The following RERE variants were observed in gnomAD, a reference collection of about 807,000 sequenced individuals.
RERE encodes the protein arginine-glutamic acid dipeptide repeats, also known as arginine-glutamic acid dipeptide repeats protein.
A neutral mutation model predicts 146.1 loss-of-function variants in RERE; 40 were observed. The observed-to-expected ratio is 0.27, with a 90% CI of 0.21 to 0.36. The LOEUF (loss-of-function observed/expected upper bound fraction) is 0.36, where lower values mean the gene tolerates loss of function less well. Among genes scored for constraint, RERE ranks in the 10% least tolerant of loss-of-function variants. RERE has a pLI of 1.00. For synonymous variants in RERE, 1,003 were observed against 866.0 expected, an observed-to-expected ratio of 1.16 and a Z score of -2.78; for missense variants, 1,933 against 2,138.7, an observed-to-expected ratio of 0.90 and a Z score of 1.90.
chr1:8,791,235 C>T lies in RERE; in HGVS notation c.-145+25925G>A, dbSNP rs548729871. On this transcript the variant is annotated intron_variant, in intron 1 of 22. Transcript: ENST00000400908. ...GCCAAGATAAACACCAACTTGTTAA[C>T]TCCCTAAGTGCTATGCAAATGCCCA... Among the ~76,000 whole-genome samples the T allele has an allele frequency of 2.6e-5, 4 of 152,328 alleles. No homozygotes were observed. In the South Asian group the frequency reaches 6.2e-4, roughly 24 times the overall value.
At position 8,358,738 on chromosome 1, in the gene RERE, G is replaced by A; in HGVS notation, c.3797C>T (p.Ser1266Leu). ...LSEYARPHVM[S>L]PTNRNHPFYM... ...GAAGGGGTGGTTGCGGTTGGTGGGC[G>A]ACATGACGTGGGGCCGGGCGTACTC... Residue 1266 changes from serine (S) to leucine (L), a missense_variant, in exon 20 of 23, where the codon TCG becomes TTG. This residue lies in a region of RERE where 1,255 missense variants were observed against 1,153.8 expected (regional missense o/e 1.09). Transcript: ENST00000400908. The A allele has an allele frequency of 2.5e-6, 4 of 1,608,658 alleles. No homozygotes were observed. The highest frequency in any genetic ancestry group is 1.1e-5 in the South Asian group (1 of 90,276).
intron 7 of RERE, among the ~76,000 whole-genome samples, chr1:8,510,209 G>A (rs1025118596): frequency 2.0e-5 from 3 of 152,068 alleles, no homozygotes; most frequent in Non-Finnish European, 2.9e-5. Flanking sequence ...GCCGATGCCC[G>A]TATTCATCAA....
At chr1:8,442,639 C>T (rs753949873) in intron 11 of RERE, among the ~76,000 whole-genome samples, 27 of 152,034 alleles carry the variant, frequency 1.8e-4, no homozygotes, top group Non-Finnish European at 3.4e-4. Flanking sequence ...TGGCCTAATT[C>T]GGAAAATTGG....
At chr1:8,735,877 T>C (rs924502985) in intron 1 of RERE, among the ~76,000 whole-genome samples, 1 of 152,276 alleles carries the variant, frequency 6.6e-6, no homozygotes, top group South Asian at 2.1e-4. Context: ...CCTGCAGTAC[T>C]GTGAGCTAAC....
chr1:8,367,376 C>T (rs1000381578), intron 12 of RERE, among the ~76,000 whole-genome samples: 1 of 152,154 alleles, frequency 6.6e-6, no homozygotes, highest in African/African-American at 2.4e-5. Flanking sequence ...GCATCTTATG[C>T]CTGGGCATTT....
chr1:8,653,258 T>C (rs867501098), intron 2 of RERE, among the ~76,000 whole-genome samples: 3 of 152,228 alleles, frequency 2.0e-5, no homozygotes, highest in African/African-American at 7.2e-5. Context: ...TTCCATATTA[T>C]AAATGCTGAG....
intron 4 of RERE, among the ~76,000 whole-genome samples, chr1:8,592,021 A>C (rs1205015065): frequency 6.6e-6 from 1 of 152,244 alleles, no homozygotes; most frequent in Non-Finnish European, 1.5e-5. Flanking sequence ...ATTTTTATAG[A>C]AGGAAAAAAC....
intron 11 of RERE, among the ~76,000 whole-genome samples, chr1:8,440,896 CA>C (rs999554873): frequency 7.4e-4 from 97 of 131,850 alleles, no homozygotes; most frequent in East Asian, 8.7e-4. Flanking sequence ...GACTCCATCT[CA>C]AAAAAAAAAA....
chr1:8,474,118 T>C (rs1644724597), intron 10 of RERE, among the ~76,000 whole-genome samples: 1 of 152,254 alleles, frequency 6.6e-6, no homozygotes, highest in Non-Finnish European at 1.5e-5. Flanking sequence ...TTAATATATA[T>C]AAGTGCTTTA....
At chr1:8,475,530 A>T (rs1257446255) in intron 10 of RERE, among the ~76,000 whole-genome samples, 1 of 151,698 alleles carries the variant, frequency 6.6e-6, no homozygotes, top group African/African-American at 2.4e-5. Context: ...AGAAATACAA[A>T]AATTAGCCGG....
Position 8,362,736 on chromosome 1 carries a change from C to A in RERE, c.1849G>T (p.Ala617Ser), listed in dbSNP as rs1157153822. Residue 617 changes from alanine to serine, a missense_variant, in exon 16 of 23, where the codon GCC becomes TCC. Ala to Ser is a moderately conservative substitution (Grantham distance 99). Transcript: ENST00000400908. The stretch of plus-strand genomic sequence containing the variant: ...TTACTGTCATTGCTGGAGGTACTGG[C>A]AGCGCTGGGGGAGTTCCGGCCGCTG... ...RSSGRNSPSA[A>S]STSSNDSKAE... 1 of 1,614,130 alleles carries A rather than the reference C, an allele frequency of 6.2e-7. No individual in the cohort carries two copies. The highest frequency in any genetic ancestry group is 1.3e-5 in the African/African-American group (1 of 74,942).
intron 6 of RERE, among the ~76,000 whole-genome samples, chr1:8,542,030 C>A (rs1357964158): frequency 1.3e-5 from 2 of 152,134 alleles, no homozygotes; most frequent in Non-Finnish European, 2.9e-5. Flanking sequence ...GAAAACCCTA[C>A]AATACTTACT....
chr1:8,534,963 G>C (rs1196097971), intron 7 of RERE, among the ~76,000 whole-genome samples: 1 of 152,002 alleles, frequency 6.6e-6, no homozygotes, highest in Non-Finnish European at 1.5e-5. Context: ...GGACAGCTGG[G>C]CACAGTGGCA....
intron 11 of RERE, chr1:8,434,538 A>G (rs998770328): frequency 6.6e-6 from 1 of 152,200 alleles, no homozygotes. Context: ...ACATGCTCTA[A>G]CAATGTGATA....
chr1:8,766,357 T>C (rs751842997), intron 1 of RERE, among the ~76,000 whole-genome samples: 6 of 151,878 alleles, frequency 4.0e-5, no homozygotes, highest in Non-Finnish European at 4.4e-5. Flanking sequence ...CTGGCCAACA[T>C]GGTGAAACCC....
intron 7 of RERE, among the ~76,000 whole-genome samples, chr1:8,508,939 G>C (rs1166310793): frequency 1.3e-5 from 2 of 151,926 alleles, no homozygotes; most frequent in African/African-American, 2.4e-5. Context: ...TTTTGAGACA[G>C]AGTCTCACTC....
Position 8,614,807 on chromosome 1 carries a change from C to T in RERE, c.397-121G>A, listed in dbSNP as rs80020299. Reference sequence around the variant, plus strand: ...CTCTTTAGCAGATGACCTCTGAAACCTCAGATAATTTGTTCTACCACTAAA... The same window carrying T: ...CTCTTTAGCAGATGACCTCTGAAACTTCAGATAATTTGTTCTACCACTAAA... On this transcript the variant is annotated intron_variant, in intron 3 of 22. Coordinates refer to ENST00000400908, the MANE Select transcript of RERE (RefSeq NM_001042681.2). 5.9e-4 allele frequency: 660 copies of T among 1,113,228 alleles called. 2 individuals carry two copies. The African/African-American group carries it at 8.9e-3, about 15-fold the overall frequency. 69.0% of individuals were successfully genotyped at this position (1,113,228 alleles called of 1,614,324 possible).
chr1:8,656,872 G>T (rs1221902178), intron 1 of RERE, among the ~76,000 whole-genome samples: 1 of 152,182 alleles, frequency 6.6e-6, no homozygotes, highest in Non-Finnish European at 1.5e-5. Context: ...CCAGCATTTT[G>T]AGAGGCCAAG....
intron 12 of RERE, among the ~76,000 whole-genome samples, chr1:8,400,313 G>A (rs1437198490): frequency 6.6e-6 from 1 of 150,572 alleles, no homozygotes; most frequent in Non-Finnish European, 1.5e-5. Flanking sequence ...GAGTGCAGAG[G>A]TATGATCATA....
Sources: gnomAD v4.1 joint callset for allele counts (sites outside exome capture counted in the v4.1 genomes callset) on GRCh38, gnomAD v4.1.1 for gene constraint, gnomAD v4.1.1 regional missense constraint, MANE v1.5 for transcripts, NCBI Gene and HGNC (gene_info 2026-07-23, HGNC 2026-07-21) for gene names.